The following PCDHGA1 variants were observed in gnomAD, a reference collection of about 807,000 sequenced individuals.
The protein encoded by PCDHGA1 is protocadherin gamma-A1.
A neutral mutation model predicts 58.0 loss-of-function variants in PCDHGA1; 32 were observed. That is an observed-to-expected ratio of 0.55 (90% CI 0.42 to 0.74). The LOEUF (loss-of-function observed/expected upper bound fraction) is 0.74, where lower values mean the gene tolerates loss of function less well. Ranked by LOEUF, PCDHGA1 falls within the 30% of genes least tolerant of loss-of-function variation. The pLI is 0.00. For missense variants in PCDHGA1, 1,205 were observed against 1,182.3 expected, an observed-to-expected ratio of 1.02 and a Z score of -0.28; for synonymous variants, 498 against 501.1, an observed-to-expected ratio of 0.99 and a Z score of 0.08.
chr5:141,477,162 C>A lies in PCDHGA1; in HGVS notation c.2422-17645C>A, dbSNP rs147392557. ...GAGGTTGTGGATGTGAATGACAACG[C>A]CCCGGAGATCACAGTCACCTCCGTG... On this transcript the variant is annotated intron_variant, in intron 1 of 3. Transcript: ENST00000517417. This position sits in a 1 kb window ranked among gnomAD's most constrained non-coding sequence, Gnocchi z 4.9. 3.5e-5 allele frequency: 57 copies of A among 1,614,162 alleles called. No homozygotes were observed. The Middle Eastern group carries it at 9.9e-4, about 28-fold the overall frequency.
intron 1 of PCDHGA1, chr5:141,357,097 C>T (rs766673132): frequency 6.2e-7 from 1 of 1,613,858 alleles, no homozygotes; most frequent in Admixed American, 1.7e-5. Context: ...ACGGGCCCTG[C>T]TGGACAGAGA....
At chr5:141,453,492 G>A (rs1046043468) in intron 1 of PCDHGA1, among the ~76,000 whole-genome samples, 7 of 152,000 alleles carry the variant, frequency 4.6e-5, no homozygotes, top group African/African-American at 7.3e-5. Context: ...AAAAAAAGGT[G>A]TACTCAGAAA....
rs760617436 is a variant in PCDHGA1 at position 141,410,113 on chromosome 5, A to T, written c.2421+77008A>T. On this transcript the variant is annotated intron_variant, in intron 1 of 3. Transcript: ENST00000517417. The stretch of plus-strand genomic sequence containing the variant: ...CTCGAGCCTTAGGCGACAGGGACGC[A>T]GCCCGCCAGCGCCTGCTGGTCGCTG... 5 of 1,612,436 alleles carry T rather than the reference A, an allele frequency of 3.1e-6. No individual in the cohort carries two copies. The African/African-American group carries it at 6.7e-5, about 22-fold the overall frequency.
chr5:141,500,894 C>G (rs1221911920), intron 2 of PCDHGA1, among the ~76,000 whole-genome samples: 1 of 150,982 alleles, frequency 6.6e-6, no homozygotes, highest in African/African-American at 2.4e-5. Flanking sequence ...TTTTTTGAGA[C>G]AGTCTCGCTC....
intron 2 of PCDHGA1, among the ~76,000 whole-genome samples, chr5:141,499,675 T>A (rs1426498530): frequency 2.0e-5 from 3 of 150,746 alleles, no homozygotes; most frequent in African/African-American, 7.3e-5. Flanking sequence ...GTCTCCACCA[T>A]CTTTAACAGA....
Position 141,356,927 on chromosome 5 carries a change from A to G in PCDHGA1, c.2421+23822A>G, listed in dbSNP as rs370703774. The G allele has an allele frequency of 5.0e-6, 8 of 1,614,044 alleles. No homozygotes were observed. The highest frequency in any genetic ancestry group is 1.1e-5 in the South Asian group (1 of 91,086). On this transcript the variant is annotated intron_variant, in intron 1 of 3. Coordinates refer to ENST00000517417, the MANE Select transcript of PCDHGA1 (RefSeq NM_018912.3). Reference sequence around the variant, plus strand: ...CCTACTGATGGCTCCACTGGTGTGGAGCTGGCACCCCGCTCCGCAGATTCC... The same window carrying G: ...CCTACTGATGGCTCCACTGGTGTGGGGCTGGCACCCCGCTCCGCAGATTCC...
At chr5:141,419,023 A>T (rs768427376) in intron 1 of PCDHGA1, 2 of 1,613,958 alleles carry the variant, frequency 1.2e-6, no homozygotes, top group Non-Finnish European at 1.7e-6. Flanking sequence ...GCTTAAGTAG[A>T]GGTGTTCCAT....
intron 1 of PCDHGA1, chr5:141,442,016 C>CCA (rs1561906409): frequency 4.6e-6 from 1 of 219,336 alleles, no homozygotes; most frequent in African/African-American, 2.4e-5. Context: ...GCACGATGGG[C>CCA]CACAGGAAAG....
At chr5:141,333,216 T>C (rs1375451035) in intron 1 of PCDHGA1, 111 bp downstream of exon 1, 73 of 1,488,192 alleles carry the variant, frequency 4.9e-5, no homozygotes, top group African/African-American at 7.0e-5. Flanking sequence ...TGTATCTTTG[T>C]AGCTTTTTAT....
At chr5:141,371,248 G>T in intron 1 of PCDHGA1, 1 of 1,614,024 alleles carries the variant, frequency 6.2e-7, no homozygotes, top group East Asian at 2.2e-5. Context: ...ATCAATATTG[G>T]CAAGGAAGTG....
intron 1 of PCDHGA1, chr5:141,339,759 C>A: frequency 6.2e-7 from 1 of 1,614,120 alleles, no homozygotes; most frequent in Middle Eastern, 1.7e-4. Flanking sequence ...CGGATACTCA[C>A]GGTGACCGCC....
intron 1 of PCDHGA1, among the ~76,000 whole-genome samples, chr5:141,369,622 ATTACCT>A (rs1766388164): frequency 6.6e-6 from 1 of 152,224 alleles, no homozygotes; most frequent in South Asian, 2.1e-4. Flanking sequence ...TCATTTCCTC[ATTACCT>A]TTAACTTCTT....
At chr5:141,467,704 C>T (rs2099149502) in intron 1 of PCDHGA1, among the ~76,000 whole-genome samples, 2 of 152,174 alleles carry the variant, frequency 1.3e-5, no homozygotes. Flanking sequence ...CTCTGTTGCC[C>T]AGGCTGGAGT....
chr5:141,337,782 G>C (rs1179180447), intron 1 of PCDHGA1, among the ~76,000 whole-genome samples: 1 of 152,190 alleles, frequency 6.6e-6, no homozygotes, highest in Non-Finnish European at 1.5e-5. Flanking sequence ...TGGTAAAGAT[G>C]AAACAAGAGT....
Position 141,333,215 on chromosome 5 carries a change from G to A in PCDHGA1, c.2421+110G>A, listed in dbSNP as rs550988521. On this transcript the variant is annotated intron_variant, in intron 1 of 3. Coordinates refer to ENST00000517417, the MANE Select transcript of PCDHGA1 (RefSeq NM_018912.3). ...TAGTTCTTCTAACCCATGTATCTTT[G>A]TAGCTTTTTATTACAAGTCCTGCAA... 52 of 1,503,596 alleles carry A rather than the reference G, an allele frequency of 3.5e-5. 1 individual carries two copies. In the South Asian group the frequency reaches 6.3e-4, roughly 18 times the overall value. The allele number at this position is 1,503,596 out of a possible 1,614,324, so 93.1% of individuals were successfully genotyped here. A position where few individuals can be genotyped will look rare whatever the true frequency, so the allele number is the denominator to read the frequency against.
At chr5:141,451,762 T>C (rs2154563695) in intron 1 of PCDHGA1, among the ~76,000 whole-genome samples, 1 of 152,100 alleles carries the variant, frequency 6.6e-6, no homozygotes, top group African/African-American at 2.4e-5. Flanking sequence ...ATGCCTATAG[T>C]CCCAGCTACT....
chr5:141,420,669 G>A (rs1018355067), intron 1 of PCDHGA1, among the ~76,000 whole-genome samples: 2 of 152,202 alleles, frequency 1.3e-5, no homozygotes, highest in South Asian at 2.1e-4. Context: ...CATCCTACCT[G>A]ATGATTTTAT....
intron 1 of PCDHGA1, among the ~76,000 whole-genome samples, chr5:141,492,670 C>T (rs567661944): frequency 6.6e-6 from 1 of 152,344 alleles, no homozygotes; most frequent in South Asian, 2.1e-4. Context: ...CCCGGGACTC[C>T]GTCTCAAGGG....
intron 1 of PCDHGA1, chr5:141,371,961 G>T (rs532361069): frequency 3.1e-6 from 5 of 1,613,240 alleles, no homozygotes; most frequent in Admixed American, 1.7e-5. Flanking sequence ...CTTCGACCAC[G>T]AGCAGCTGCG....
Sources: allele counts gnomAD v4.1 joint callset (sites outside exome capture counted in the v4.1 genomes callset), GRCh38; gene constraint gnomAD v4.1.1; non-coding constraint Gnocchi (gnomAD v3.1); transcripts MANE v1.5; gene names NCBI Gene and HGNC (gene_info 2026-07-23, HGNC 2026-07-21).